Variants in LCK observed in about 807,000 individuals in gnomAD.
LCK encodes LCK proto-oncogene, Src family tyrosine kinase.
A neutral mutation model predicts 64.6 loss-of-function variants in LCK; 14 were observed. The observed-to-expected ratio is 0.22, with a 90% CI of 0.14 to 0.34. LCK has a LOEUF of 0.34. Among genes scored for constraint, LCK ranks in the 10% least tolerant of loss-of-function variants. LCK has a pLI of 1.00. For synonymous variants in LCK, 277 were observed against 263.6 expected, an observed-to-expected ratio of 1.05 and a Z score of -0.49; for missense variants, 434 against 668.1, an observed-to-expected ratio of 0.65 and a Z score of 3.86.
intron 1 of LCK, among the ~76,000 whole-genome samples, chr1:32,264,436 C>T (rs1044633855): frequency 2.0e-5 from 3 of 151,532 alleles, no homozygotes; most frequent in Non-Finnish European, 4.4e-5. Flanking sequence ...GTGGGAGAAG[C>T]GCTTGAGCCC....
intron 1 of LCK, among the ~76,000 whole-genome samples, chr1:32,254,996 A>T (rs116008873): frequency 0.032 from 4,768 of 149,762 alleles, 252 homozygotes; most frequent in African/African-American, 0.11. Flanking sequence ...TTAATTATTT[A>T]AAAAAAAAAT....
At chr1:32,279,093 T>A (rs1290321495) in intron 9 of LCK, among the ~76,000 whole-genome samples, 1 of 152,196 alleles carries the variant, frequency 6.6e-6, no homozygotes, top group South Asian at 2.1e-4. Flanking sequence ...CAGGGAAACC[T>A]GATTTTAGTT....
At chr1:32,285,041 C>T (rs772785854) in intron 12 of LCK, among the ~76,000 whole-genome samples, 4 of 151,212 alleles carry the variant, frequency 2.6e-5, no homozygotes, top group African/African-American at 7.3e-5. Context: ...CGGTGGCTCA[C>T]GCCTGTAATC....
chr1:32,263,919 A>G (rs564768965), intron 1 of LCK, among the ~76,000 whole-genome samples: 7 of 152,118 alleles, frequency 4.6e-5, no homozygotes, highest in Non-Finnish European at 8.8e-5. Flanking sequence ...CCTGTTTAAA[A>G]AAAAAAAAAG....
chr1:32,260,849 T>C (rs1639750201), intron 1 of LCK, among the ~76,000 whole-genome samples: 1 of 152,188 alleles, frequency 6.6e-6, no homozygotes, highest in Admixed American at 6.5e-5. Context: ...CTTGAACTCC[T>C]GGCCTCGAGT....
At chr1:32,254,585 T>C (rs1297183008) in intron 1 of LCK, among the ~76,000 whole-genome samples, 3 of 152,170 alleles carry the variant, frequency 2.0e-5, no homozygotes, top group Non-Finnish European at 2.9e-5. Context: ...CGAGCTTGGC[T>C]CACTGCAACC....
intron 9 of LCK, among the ~76,000 whole-genome samples, chr1:32,277,599 C>T (rs904489370): frequency 3.9e-5 from 6 of 152,128 alleles, no homozygotes; most frequent in South Asian, 2.1e-4. Flanking sequence ...TTGTTCACAC[C>T]GATTTGCCGT....
At position 32,258,645 on chromosome 1, in the gene LCK, A is replaced by G. The variant is rs189324346; in HGVS notation, c.-6+7274A>G. On this transcript the variant is annotated intron_variant, in intron 1 of 12. Transcript: ENST00000336890. ...ACTAAAAAACACGTCTCTACTAAAA[A>G]TACAAAAAATTAGCTAGGCATGGTG... 9.5e-4 allele frequency among the ~76,000 whole-genome samples: 144 copies of G among 151,310 alleles called. 2 individuals are homozygous for G. Among genetic ancestry groups the G allele is most frequent in the Admixed American group, 9.5e-3 (144 of 15,164 alleles).
rs771590192 is a variant in LCK at position 32,274,773 on chromosome 1, C to T, written c.142C>T (p.Leu48=). ...AAATGGCTCTGAGGTGCGGGACCCA[C>T]TGGTTACCTACGAAGGCTCCAATCC... is the stretch of plus-strand genomic sequence containing the variant. The part of the protein sequence containing the change: ...IRNGSEVRDP[L]VTYEGSNPPA... Residue 48 remains leucine, a synonymous_variant, in exon 3 of 13, where the codon CTG becomes TTG. Coordinates refer to ENST00000336890, the MANE Select transcript of LCK (RefSeq NM_005356.5). 1.9e-6 allele frequency: 3 copies of T among 1,610,444 alleles called. No individual in the cohort carries two copies. The highest frequency in any genetic ancestry group is 1.7e-6 in the Non-Finnish European group (2 of 1,177,884).
In LCK at chr1:32,274,669, G is replaced by C. The variant is rs1166032404; in HGVS notation, c.106-68G>C. On this transcript the variant is annotated intron_variant, in intron 2 of 12. Transcript: ENST00000336890. ...CTGGAGAGGCTGAGAGCAGAGCAGGGGGGAAGGGGGCCAGGGTCTGACCCA... is the reference window on the plus strand; with the variant it reads ...CTGGAGAGGCTGAGAGCAGAGCAGGCGGGAAGGGGGCCAGGGTCTGACCCA... 8.4e-6 allele frequency: 11 copies of C among 1,303,678 alleles called. No individual in the cohort carries two copies. The Admixed American group carries it at 2.3e-4, about 28-fold the overall frequency. The allele number at this position is 1,303,678 out of a possible 1,614,324, so 80.8% of individuals were successfully genotyped here. A position where few individuals can be genotyped will look rare whatever the true frequency, so the allele number is the denominator to read the frequency against.
chr1:32,275,418 C>CT lies in LCK; in HGVS notation c.376_377insT (p.Pro126LeufsTer60). 6.2e-7 allele frequency: 1 copy of CT among 1,614,056 alleles called. No individual in the cohort carries two copies. The highest frequency in any genetic ancestry group is 8.5e-7 in the Non-Finnish European group (1 of 1,179,956). ...CAAAGCGAACAGCCTGGAGCCCGAA[C>CT]CGTAAGTGGGGACCCGTCGTGGGGG... On this transcript the variant is annotated frameshift_variant and splice_region_variant, in exon 5 of 13. Transcript: ENST00000336890. LOFTEE classifies it high-confidence loss of function. The surrounding 1 kb of genome is among the most constrained non-coding windows in gnomAD (Gnocchi z 6.9).
chr1:32,272,185 G>C (rs961375242), intron 1 of LCK, among the ~76,000 whole-genome samples: 2 of 151,418 alleles, frequency 1.3e-5, no homozygotes, highest in African/African-American at 4.9e-5. Flanking sequence ...TCAGGAGGCC[G>C]AGGCAGGAGA....
chr1:32,276,111 C>T lies in LCK; in HGVS notation c.631+48C>T, dbSNP rs1274947639. On this transcript the variant is annotated intron_variant, in intron 7 of 12. Transcript: ENST00000336890. The surrounding 1 kb of genome is among the most constrained non-coding windows in gnomAD (Gnocchi z 4.6). ...CCCGTGCCCTATCAGCCTATCTCCC[C>T]TCAGTCCCCCTCAGGTGTCCCCCAT... The T allele has an allele frequency of 6.3e-7, 1 of 1,596,628 alleles. No homozygotes were observed. The highest frequency in any genetic ancestry group is 8.6e-7 in the Non-Finnish European group (1 of 1,166,316).
chr1:32,281,155 C>T (rs1363736386), intron 12 of LCK, among the ~76,000 whole-genome samples: 1 of 151,208 alleles, frequency 6.6e-6, no homozygotes, highest in Non-Finnish European at 1.5e-5. Context: ...GGGAGGATCA[C>T]CTGAGCCAGG....
chr1:32,275,752 G>A lies in LCK; in HGVS notation c.481+80G>A, dbSNP rs1323181885. On this transcript the variant is annotated intron_variant, in intron 6 of 12. Coordinates refer to ENST00000336890, the MANE Select transcript of LCK (RefSeq NM_005356.5). The surrounding 1 kb of genome is among the most constrained non-coding windows in gnomAD (Gnocchi z 6.9). ...GGGGGGCGCAGGGTGAGCCCGAGGTGGAGACACGGGGTGAGTCGGAGGGGG... is the reference window on the plus strand; with the variant it reads ...GGGGGGCGCAGGGTGAGCCCGAGGTAGAGACACGGGGTGAGTCGGAGGGGG... The A allele has an allele frequency of 4.9e-6, 7 of 1,417,922 alleles. No individual in the cohort carries two copies. The East Asian group carries it at 1.5e-4, about 29-fold the overall frequency. 87.8% of individuals were successfully genotyped at this position (1,417,922 alleles called of 1,614,324 possible). A position where few individuals can be genotyped will look rare whatever the true frequency, so the allele number is the denominator to read the frequency against.
Position 32,251,554 on chromosome 1 carries a change from A to T in LCK, c.-6+183A>T, listed in dbSNP as rs1014340997. Among the ~76,000 whole-genome samples, 11 of 152,138 alleles carry T rather than the reference A, an allele frequency of 7.2e-5. No homozygotes were observed. The highest frequency in any genetic ancestry group is 2.7e-4 in the African/African-American group (11 of 41,414). On this transcript the variant is annotated intron_variant, in intron 1 of 12. Coordinates refer to ENST00000336890, the MANE Select transcript of LCK (RefSeq NM_005356.5). The surrounding 1 kb of genome is among the most constrained non-coding windows in gnomAD (Gnocchi z 4.0). ...TAGCTGGGTCGCCTCTTTCCTGCGA[A>T]GCTGGTGTCGCTTGCCTCTGTCGTG...
At chr1:32,263,796 C>T (rs1329181144) in intron 1 of LCK, among the ~76,000 whole-genome samples, 2 of 152,066 alleles carry the variant, frequency 1.3e-5, no homozygotes, top group Non-Finnish European at 2.9e-5. Flanking sequence ...CTGCAGTCCC[C>T]ACTACTCAGG....
At chr1:32,259,867 C>G (rs766246471) in intron 1 of LCK, among the ~76,000 whole-genome samples, 13 of 151,808 alleles carry the variant, frequency 8.6e-5, no homozygotes, top group Non-Finnish European at 1.8e-4. Context: ...GCCATGCCTG[C>G]TAGCCCTGAT....
At chr1:32,273,818 T>C (rs1640175265) in intron 1 of LCK, among the ~76,000 whole-genome samples, 1 of 151,978 alleles carries the variant, frequency 6.6e-6, no homozygotes, top group Non-Finnish European at 1.5e-5. Flanking sequence ...GGGGGCTTGA[T>C]GGTGGACTTC....
Sources: allele counts gnomAD v4.1 joint callset (sites outside exome capture counted in the v4.1 genomes callset), GRCh38; gene constraint gnomAD v4.1.1; non-coding constraint Gnocchi (gnomAD v3.1); transcripts MANE v1.5; gene names NCBI Gene and HGNC (gene_info 2026-07-23, HGNC 2026-07-21).